Variants in ANK3 observed in about 807,000 individuals in gnomAD.
ANK3 encodes ankyrin 3, also known as ankyrin-3.
A neutral mutation model predicts 370.9 loss-of-function variants in ANK3; 57 were observed. That is an observed-to-expected ratio of 0.15 (90% CI 0.12 to 0.19). The LOEUF (loss-of-function observed/expected upper bound fraction) is 0.19, where lower values mean the gene tolerates loss of function less well. ANK3 is among the 10% of genes least tolerant of loss of function. ANK3 has a pLI of 1.00. For missense variants in ANK3, 4,439 were observed against 5,302.1 expected (o/e 0.84, Z 5.06); for synonymous variants, 1,929 against 1,946.3 (o/e 0.99, Z 0.23).
At chr10:60,315,864 A>G (rs2047303268) in intron 1 of ANK3, among the ~76,000 whole-genome samples, 1 of 152,196 alleles carries the variant, frequency 6.6e-6, no homozygotes, top group African/African-American at 2.4e-5. Context: ...TGTTCCAGCA[A>G]GATTCTGCCA....
At chr10:60,176,561 AG>A (rs1390041085) in intron 18 of ANK3, among the ~76,000 whole-genome samples, 5 of 152,094 alleles carry the variant, frequency 3.3e-5, no homozygotes, top group Admixed American at 3.3e-4. Flanking sequence ...CAGGAGCTCG[AG>A]ATCAGCCTGC....
At chr10:60,471,752 T>C (rs2065225234) in intron 2 of ANK3, among the ~76,000 whole-genome samples, 1 of 152,000 alleles carries the variant, frequency 6.6e-6, no homozygotes, top group African/African-American at 2.4e-5. Context: ...TCAAAATACT[T>C]TTTACCCAAG....
At chr10:60,052,284 C>T (rs1039720399) in intron 42 of ANK3, among the ~76,000 whole-genome samples, 11 of 152,040 alleles carry the variant, frequency 7.2e-5, no homozygotes, top group South Asian at 4.1e-4. Flanking sequence ...GCTGAAATCG[C>T]GCCACTGCAC....
At chr10:60,479,952 C>T (rs1355079307) in intron 2 of ANK3, among the ~76,000 whole-genome samples, 1 of 152,118 alleles carries the variant, frequency 6.6e-6, no homozygotes, top group East Asian at 1.9e-4. Flanking sequence ...TTGATTGCTC[C>T]CATTACATCA....
At chr10:60,330,726 G>T (rs2051041038) in intron 1 of ANK3, among the ~76,000 whole-genome samples, 1 of 152,130 alleles carries the variant, frequency 6.6e-6, no homozygotes, top group Admixed American at 6.5e-5. Flanking sequence ...GAAGGATCTA[G>T]AACTAGAAAT....
At chr10:60,077,908 G>C (rs1589664139) in intron 36 of ANK3, among the ~76,000 whole-genome samples, 1 of 152,186 alleles carries the variant, frequency 6.6e-6, no homozygotes, top group Non-Finnish European at 1.5e-5. Flanking sequence ...AGTAATACCA[G>C]CATTTCTTCT....
At chr10:60,045,237 T>C (rs1028319357) in intron 42 of ANK3, among the ~76,000 whole-genome samples, 1 of 152,232 alleles carries the variant, frequency 6.6e-6, no homozygotes, top group African/African-American at 2.4e-5. Flanking sequence ...TCACTATCTT[T>C]TACATTCCAG....
intron 43 of ANK3, among the ~76,000 whole-genome samples, chr10:60,035,622 A>G (rs2074785819): frequency 6.6e-6 from 1 of 152,056 alleles, no homozygotes; most frequent in South Asian, 2.1e-4. Flanking sequence ...TGGAGCCAGA[A>G]CTGGAAATCA....
chr10:60,301,188 ATG>A (rs896484616), intron 1 of ANK3, among the ~76,000 whole-genome samples: 33 of 147,528 alleles, frequency 2.2e-4, no homozygotes, highest in African/African-American at 7.9e-4. Context: ...TATATAATCT[ATG>A]TGTGTGTATA....
At chr10:60,312,079 G>A (rs1174646677) in intron 1 of ANK3, among the ~76,000 whole-genome samples, 1 of 152,146 alleles carries the variant, frequency 6.6e-6, no homozygotes, top group African/African-American at 2.4e-5. Flanking sequence ...TTGCGGGCAG[G>A]AATAAAACAG....
intron 1 of ANK3, among the ~76,000 whole-genome samples, chr10:60,324,911 C>T (rs1194815714): frequency 2.0e-5 from 3 of 152,190 alleles, no homozygotes; most frequent in Admixed American, 1.3e-4. Flanking sequence ...GTACTCCCAG[C>T]AGCCTCTAGA....
In ANK3 at chr10:60,264,030, A is replaced by C. The variant is rs768765284; in HGVS notation, c.514-10T>G. On this transcript the variant is annotated splice_polypyrimidine_tract_variant and intron_variant, in intron 5 of 43. Coordinates refer to ENST00000280772, the MANE Select transcript of ANK3 (RefSeq NM_020987.5). Reference sequence around the variant, plus strand: ...ATGGTGTGAAGCCATCCTGCAAATAAATGGATGGGTCAAGATGGGCTCCAA... The same window carrying C: ...ATGGTGTGAAGCCATCCTGCAAATACATGGATGGGTCAAGATGGGCTCCAA... The C allele has an allele frequency of 3.7e-6, 6 of 1,612,574 alleles. No homozygotes were observed. The Admixed American group carries it at 1.0e-4, about 27-fold the overall frequency.
At chr10:60,527,573 T>G (rs2076503436) in intron 2 of ANK3, among the ~76,000 whole-genome samples, 1 of 152,122 alleles carries the variant, frequency 6.6e-6, no homozygotes, top group Non-Finnish European at 1.5e-5. Flanking sequence ...AGAAAAAATT[T>G]GCCTTTCCAT....
intron 8 of ANK3, among the ~76,000 whole-genome samples, chr10:60,216,025 G>A (rs1281889909): frequency 6.6e-6 from 1 of 152,068 alleles, no homozygotes; most frequent in Non-Finnish European, 1.5e-5. Context: ...TTACATCCTT[G>A]AGCAGTGGTT....
chr10:60,625,543 A>C (rs1395670475), intron 1 of ANK3, among the ~76,000 whole-genome samples: 2 of 152,216 alleles, frequency 1.3e-5, no homozygotes, highest in Non-Finnish European at 2.9e-5. Context: ...TATCAAAATC[A>C]GTTTATTTCC....
intron 2 of ANK3, among the ~76,000 whole-genome samples, chr10:60,591,072 G>T (rs1217326142): frequency 1.3e-5 from 2 of 152,022 alleles, no homozygotes; most frequent in Non-Finnish European, 2.9e-5. Flanking sequence ...AAAACACAGG[G>T]GTAGCAGCAG....
At chr10:60,479,121 C>A (rs891459328) in intron 2 of ANK3, among the ~76,000 whole-genome samples, 1 of 151,998 alleles carries the variant, frequency 6.6e-6, no homozygotes, top group African/African-American at 2.4e-5. Context: ...TCCTAGGAAT[C>A]GCTTGAAATT....
Position 60,655,875 on chromosome 10 carries a change from T to C in ANK3, c.58-40651A>G, listed in dbSNP as rs115965532. Among the ~76,000 whole-genome samples the C allele has an allele frequency of 2.8e-3, 433 of 152,320 alleles. 1 individual carries two copies. The highest frequency in any genetic ancestry group is 0.01 in the African/African-American group (421 of 41,570). On this transcript the variant is annotated intron_variant, in intron 1 of 43. Coordinates refer to the ANK3 transcript ENST00000373827. ...TTACCGTATCTTTTCTATGTTGAGA[T>C]ACATAAATACTTAGCATCGTGTTAC...
At chr10:60,081,478 A>G (rs986561532) in intron 35 of ANK3, 2 of 435,448 alleles carry the variant, frequency 4.6e-6, no homozygotes, top group African/African-American at 2.1e-5. Context: ...TAATTATCAT[A>G]TAACTTAGAG....
Sources: gnomAD v4.1 joint callset for allele counts (sites outside exome capture counted in the v4.1 genomes callset) on GRCh38, gnomAD v4.1.1 for gene constraint, MANE v1.5 for transcripts, NCBI Gene and HGNC (gene_info 2026-07-23, HGNC 2026-07-21) for gene names.